Variants in PHTF2 observed in about 807,000 individuals in gnomAD.
The protein encoded by PHTF2 is protein PHTF2.
PHTF2 carries 60 observed loss-of-function variants against 101.2 expected under a neutral mutation model. The ratio of observed to expected loss-of-function variants is 0.59; its 90% CI spans 0.48 to 0.73. PHTF2 has a LOEUF of 0.73. Among genes scored for constraint, PHTF2 ranks in the 30% least tolerant of loss-of-function variants. The probability of loss-of-function intolerance (pLI) is 0.00; values close to 1 mark genes in which losing one functional copy is unlikely to be tolerated. For missense variants in PHTF2, 747 were observed against 908.7 expected (o/e 0.82, Z 2.29); for synonymous variants, 311 against 307.3 (o/e 1.01, Z -0.13).
At chr7:77,876,669 G>T (rs1029011888) in intron 3 of PHTF2, among the ~76,000 whole-genome samples, 1 of 152,088 alleles carries the variant, frequency 6.6e-6, no homozygotes. Flanking sequence ...AAAGAGGAAG[G>T]ATCACTTGCG....
chr7:77,936,271 AG>A (rs1484416669), intron 12 of PHTF2, among the ~76,000 whole-genome samples: 1 of 152,230 alleles, frequency 6.6e-6, no homozygotes, highest in Non-Finnish European at 1.5e-5. Context: ...TGTCCTCTAA[AG>A]AATAAATGTA....
At chr7:77,824,884 C>A (rs1342579793) in intron 1 of PHTF2, among the ~76,000 whole-genome samples, 2 of 148,784 alleles carry the variant, frequency 1.3e-5, no homozygotes, top group Non-Finnish European at 3.0e-5. Context: ...AAAAAAAAAA[C>A]GTTAGCCGAG....
intron 15 of PHTF2, among the ~76,000 whole-genome samples, chr7:77,942,343 T>C (rs2150978067): frequency 6.6e-6 from 1 of 152,368 alleles, no homozygotes; most frequent in South Asian, 2.1e-4. Flanking sequence ...AGAGGGACCA[T>C]GTGTTGTTCT....
chr7:77,846,546 T>TCCCTC (rs1360755390), intron 2 of PHTF2, among the ~76,000 whole-genome samples: 1 of 93,546 alleles, frequency 1.1e-5, no homozygotes, highest in African/African-American at 5.7e-5. Flanking sequence ...TCCCTTCCCT[T>TCCCTC]CCCTCCCCTC....
chr7:77,863,953 A>AG (rs1331374830), intron 3 of PHTF2, among the ~76,000 whole-genome samples: 2 of 151,832 alleles, frequency 1.3e-5, no homozygotes, highest in African/African-American at 4.8e-5. Flanking sequence ...GTTTTAAAAA[A>AG]ATTTTCTGTA....
chr7:77,841,886 C>G (rs1795913449), intron 2 of PHTF2, among the ~76,000 whole-genome samples: 1 of 152,238 alleles, frequency 6.6e-6, no homozygotes, highest in South Asian at 2.1e-4. Flanking sequence ...GAAAGTTTTT[C>G]TCTTTCCTAA....
chr7:77,811,655 G>C (rs569974210), intron 1 of PHTF2, among the ~76,000 whole-genome samples: 5 of 152,180 alleles, frequency 3.3e-5, no homozygotes, highest in Admixed American at 3.3e-4. Flanking sequence ...ATGTCTCTAT[G>C]ATTCTTTGAG....
In PHTF2 at chr7:77,925,495, G is replaced by GTTTTTT. The variant is rs58290945; in HGVS notation, c.1119+2743_1119+2748dup. 9.0e-4 allele frequency among the ~76,000 whole-genome samples: 66 copies of GTTTTTT among 73,168 alleles called. 5 individuals carry two copies. Among genetic ancestry groups the GTTTTTT allele is most frequent in the East Asian group, 1.4e-3 (3 of 2,152 alleles). 48.0% of individuals were successfully genotyped at this position (73,168 alleles called of 152,430 possible). On this transcript the variant is annotated intron_variant, in intron 11 of 19. Coordinates refer to ENST00000416283, the Ensembl canonical transcript of PHTF2. ...GCAATTATAGGCAATAGTTTTTAGG[G>GTTTTTT]TTTTTTTTTTTTTTTTTTTTTTTTT...
chr7:77,899,254 CAAAT>C (rs1182517192), intron 5 of PHTF2, among the ~76,000 whole-genome samples: 1 of 152,030 alleles, frequency 6.6e-6, no homozygotes, highest in Non-Finnish European at 1.5e-5. Context: ...AAAAACATAA[CAAAT>C]AAAGGACACT....
intron 7 of PHTF2, among the ~76,000 whole-genome samples, chr7:77,906,882 T>A (rs1584667464): frequency 7.1e-6 from 1 of 141,648 alleles, no homozygotes; most frequent in East Asian, 2.2e-4. Context: ...CACTCCAGCC[T>A]GGGCAGCAGA....
At chr7:77,883,078 A>G (rs984541869) in intron 3 of PHTF2, among the ~76,000 whole-genome samples, 2 of 152,136 alleles carry the variant, frequency 1.3e-5, no homozygotes, top group African/African-American at 2.4e-5. Context: ...AATAAGTCCT[A>G]TTAGGAGCAA....
chr7:77,852,032 T>G (rs184828449), intron 2 of PHTF2, among the ~76,000 whole-genome samples: 9 of 152,154 alleles, frequency 5.9e-5, no homozygotes, highest in East Asian at 1.9e-4. Flanking sequence ...AAAGGTTTTT[T>G]TGTGTGTGTG....
In PHTF2 at chr7:77,902,431, C is replaced by T. The variant is rs1033868200; in HGVS notation, c.445+511C>T. 3.9e-5 allele frequency among the ~76,000 whole-genome samples: 6 copies of T among 152,160 alleles called. No homozygotes were observed. In the South Asian group the frequency reaches 1.0e-3, roughly 26 times the overall value. On this transcript the variant is annotated intron_variant, in intron 7 of 19. Transcript: ENST00000416283. The stretch of plus-strand genomic sequence containing the variant: ...ACTGTTACTATGCTTCGCTTATAGA[C>T]GTGGGACCTGAAAGACCTGAGTGCC...
At chr7:77,952,125 CATAA>C (rs1377155159) in intron 18 of PHTF2, among the ~76,000 whole-genome samples, 19 of 151,992 alleles carry the variant, frequency 1.3e-4, no homozygotes, top group African/African-American at 4.3e-4. Flanking sequence ...AAATATGTGT[CATAA>C]ATAAACATTT....
intron 3 of PHTF2, among the ~76,000 whole-genome samples, chr7:77,873,558 C>T (rs968016668): frequency 1.3e-5 from 2 of 152,068 alleles, no homozygotes; most frequent in African/African-American, 4.8e-5. Flanking sequence ...TGTTATCTTG[C>T]CTCACAGCTG....
At chr7:77,861,305 G>A (rs556378555) in intron 3 of PHTF2, among the ~76,000 whole-genome samples, 123 of 152,164 alleles carry the variant, frequency 8.1e-4, no homozygotes, top group African/African-American at 2.9e-3. Context: ...TTAAAAAGTG[G>A]ATAGAATAGA....
At chr7:77,815,544 C>T (rs992702573) in intron 1 of PHTF2, among the ~76,000 whole-genome samples, 7 of 152,172 alleles carry the variant, frequency 4.6e-5, no homozygotes, top group Non-Finnish European at 8.8e-5. Context: ...AGGAAAATAG[C>T]GGCCATAGAG....
chr7:77,869,167 T>G (rs892797538), intron 3 of PHTF2, among the ~76,000 whole-genome samples: 1 of 152,228 alleles, frequency 6.6e-6, no homozygotes, highest in African/African-American at 2.4e-5. Flanking sequence ...ACGTAATTAA[T>G]TATACATCTT....
chr7:77,900,835 G>T, intron 6 of PHTF2, 55 bp downstream of exon 5: 1 of 912,352 alleles, frequency 1.1e-6, no homozygotes, highest in South Asian at 1.3e-5. Context: ...GGAAGAAACA[G>T]AATTCAAAAT....
Sources: gnomAD v4.1 joint callset for allele counts (sites outside exome capture counted in the v4.1 genomes callset) on GRCh38, gnomAD v4.1.1 for gene constraint, MANE v1.5 for transcripts, NCBI Gene and HGNC (gene_info 2026-07-23, HGNC 2026-07-21) for gene names.